The following ADGRB2 variants were observed in gnomAD, a reference collection of about 807,000 sequenced individuals.
ADGRB2 encodes adhesion G protein-coupled receptor B2.
Under a neutral mutation model 178.7 loss-of-function variants are expected in ADGRB2, and 47 were observed. That is an observed-to-expected ratio of 0.26 (90% CI 0.21 to 0.34). The LOEUF (loss-of-function observed/expected upper bound fraction) is 0.34. Ranked by LOEUF, ADGRB2 falls within the 10% of genes least tolerant of loss-of-function variation. The pLI is 1.00. For synonymous variants in ADGRB2, 870 were observed against 912.4 expected (o/e 0.95, Z 0.84); for missense variants, 1,584 against 2,180.8 (o/e 0.73, Z 5.45).
chr1:31,762,870 A>G (rs1647082939), intron 1 of ADGRB2, among the ~76,000 whole-genome samples: 4 of 152,108 alleles, frequency 2.6e-5, no homozygotes, highest in Non-Finnish European at 5.9e-5. Flanking sequence ...CGAGGCGGGC[A>G]GGCAGGCGGC....
rs192321786 is a variant in ADGRB2, at chr1:31,745,679, A to G, written c.839-948T>C. ...GAGCCTTTGAGGATGGGCTCACCCCATGCTATCCCCAGACTATTAGGTGCT... is the reference window on the plus strand; with the variant it reads ...GAGCCTTTGAGGATGGGCTCACCCCGTGCTATCCCCAGACTATTAGGTGCT... On this transcript the variant is annotated intron_variant, in intron 4 of 32. Transcript: ENST00000373658. Among the ~76,000 whole-genome samples the G allele has an allele frequency of 2.0e-3, 299 of 152,248 alleles. 1 individual carries two copies. Among genetic ancestry groups the G allele is most frequent in the Non-Finnish European group, 3.3e-3 (226 of 67,988 alleles).
At position 31,736,713 on chromosome 1, in the gene ADGRB2, G is replaced by T; in HGVS notation, c.2990C>A (p.Thr997Asn). The change falls in exon 21 of 33, where the codon ACC becomes AAC. Residue 997 changes from threonine (T) to asparagine (N), a missense_variant. Physicochemically the swap from Thr to Asn is moderately conservative, Grantham distance 65. Transcript: ENST00000373658. The part of the protein sequence containing the change: ...QSRVLSKGVC[T>N]MTAAFLHFFF... ...GAAGTGCAGGAAGGCAGCCGTCATG[G>T]TGCACACGCCCTGCAGGGAGAGGGA... is the stretch of plus-strand genomic sequence containing the variant. 6.2e-7 allele frequency: 1 copy of T among 1,613,798 alleles called. No individual in the cohort carries two copies. The highest frequency in any genetic ancestry group is 8.5e-7 in the Non-Finnish European group (1 of 1,179,782).
rs1044119901 is a variant in ADGRB2 at position 31,755,174 on chromosome 1, G to A, written c.838+825C>T. 2.6e-5 allele frequency among the ~76,000 whole-genome samples: 4 copies of A among 152,208 alleles called. No individual in the cohort carries two copies. The highest frequency in any genetic ancestry group is 2.6e-4 in the Admixed American group (4 of 15,282). On this transcript the variant is annotated intron_variant, in intron 4 of 32. Transcript: ENST00000373658. This position sits in a 1 kb window ranked among gnomAD's most constrained non-coding sequence, Gnocchi z 5.1. The stretch of plus-strand genomic sequence containing the variant: ...CCTCCAGGTCTCCTGGTCAGTCCCC[G>A]GCCCAGCACTGTTCAGCGGGCACAC...
rs1025514596 is a variant in ADGRB2, at chr1:31,733,356, G to A, written c.3453-213C>T. On this transcript the variant is annotated intron_variant, in intron 25 of 32. Transcript: ENST00000373658. The surrounding 1 kb of genome is among the most constrained non-coding windows in gnomAD (Gnocchi z 4.3). ...CCGAAAGCAGCGAACTACGGGGTCA[G>A]AGCAGGGACCAGGAAGGTGGGGAAG... Among the ~76,000 whole-genome samples the A allele has an allele frequency of 2.0e-5, 3 of 152,204 alleles. No individual in the cohort carries two copies. The highest frequency in any genetic ancestry group is 4.4e-5 in the Non-Finnish European group (3 of 68,030).
At position 31,735,061 on chromosome 1, in the gene ADGRB2, GA is replaced by G; in HGVS notation, c.3452+121del. ...CTTGAGAGTGTGTGGTGGCTGGCAGGAAAGGGCAAGCTTTCCAGGGCACTGG... is the reference window on the plus strand; with the variant it reads ...CTTGAGAGTGTGTGGTGGCTGGCAGGAAGGGCAAGCTTTCCAGGGCACTGG... On this transcript the variant is annotated intron_variant, in intron 25 of 32. Coordinates refer to ENST00000373658, the MANE Select transcript of ADGRB2 (RefSeq NM_001364857.2). The surrounding 1 kb of genome is among the most constrained non-coding windows in gnomAD (Gnocchi z 6.0). 3 of 1,012,574 alleles carry G rather than the reference GA, an allele frequency of 3.0e-6. No homozygotes were observed. Among genetic ancestry groups the G allele is most frequent in the South Asian group, 2.6e-5 (1 of 38,988 alleles). 62.7% of individuals were successfully genotyped at this position (1,012,574 alleles called of 1,614,324 possible).
rs571684246 is a variant in ADGRB2, at chr1:31,753,735, G to A, written c.838+2264C>T. On this transcript the variant is annotated intron_variant, in intron 4 of 32. Coordinates refer to ENST00000373658, the MANE Select transcript of ADGRB2 (RefSeq NM_001364857.2). This position sits in a 1 kb window ranked among gnomAD's most constrained non-coding sequence, Gnocchi z 4.1. ...TGCCACAAGGCACAGACGGTGCCAC[G>A]GACCCTCAGACATGCCCTGACATGT... Among the ~76,000 whole-genome samples the A allele has an allele frequency of 2.0e-5, 3 of 152,232 alleles. No homozygotes were observed. The highest frequency in any genetic ancestry group is 6.5e-5 in the Admixed American group (1 of 15,290).
rs145689822 is a variant in ADGRB2, at chr1:31,740,895, G to GCACACACA, written c.1795-362_1795-355dup. Among the ~76,000 whole-genome samples the GCACACACA allele has an allele frequency of 0.022, 3,067 of 140,420 alleles. 48 individuals carry two copies. Among genetic ancestry groups the GCACACACA allele is most frequent in the African/African-American group, 0.031 (1,176 of 37,524 alleles). 92.1% of individuals were successfully genotyped at this position (140,420 alleles called of 152,430 possible). On this transcript the variant is annotated intron_variant, in intron 11 of 32. Coordinates refer to ENST00000373658, the MANE Select transcript of ADGRB2 (RefSeq NM_001364857.2). The surrounding 1 kb of genome is among the most constrained non-coding windows in gnomAD (Gnocchi z 5.9). Reference sequence around the variant, plus strand: ...AATGAGCATGTGTGTGGGCGCGCGCGCACACACACACACACACACACACAC... The same window carrying GCACACACA: ...AATGAGCATGTGTGTGGGCGCGCGCGCACACACACACACACACACACACACACACACAC...
Position 31,733,631 on chromosome 1 carries a change from G to A in ADGRB2, c.3453-488C>T, listed in dbSNP as rs1450079022. On this transcript the variant is annotated intron_variant, in intron 25 of 32. Coordinates refer to ENST00000373658, the MANE Select transcript of ADGRB2 (RefSeq NM_001364857.2). The surrounding 1 kb of genome is among the most constrained non-coding windows in gnomAD (Gnocchi z 4.3). Reference sequence around the variant, plus strand: ...CAGAAAGATTAAACAGGCAGAGCACGCGGGGGACATCCAGAGCACGAATCC... The same window carrying A: ...CAGAAAGATTAAACAGGCAGAGCACACGGGGGACATCCAGAGCACGAATCC... 6.6e-6 allele frequency among the ~76,000 whole-genome samples: 1 copy of A among 152,130 alleles called. No individual in the cohort carries two copies.
intron 4 of ADGRB2, among the ~76,000 whole-genome samples, chr1:31,748,087 G>C (rs577470398): frequency 6.6e-6 from 1 of 152,190 alleles, no homozygotes; most frequent in Admixed American, 6.5e-5. Context: ...TGACCTGCTT[G>C]TCGGGGTCTC....
At position 31,740,686 on chromosome 1, in the gene ADGRB2, G is replaced by A. The variant is rs1645892333; in HGVS notation, c.1795-145C>T. On this transcript the variant is annotated intron_variant, in intron 11 of 32. Coordinates refer to ENST00000373658, the MANE Select transcript of ADGRB2 (RefSeq NM_001364857.2). This position sits in a 1 kb window ranked among gnomAD's most constrained non-coding sequence, Gnocchi z 5.9. ...CAGAGAGGCTCAAAGGGGCACACAGGGGAGACAGAGTCCGAGAAAGAGACT... is the reference window on the plus strand; with the variant it reads ...CAGAGAGGCTCAAAGGGGCACACAGAGGAGACAGAGTCCGAGAAAGAGACT... 3 of 796,530 alleles carry A rather than the reference G, an allele frequency of 3.8e-6. No homozygotes were observed. The highest frequency in any genetic ancestry group is 2.0e-5 in the South Asian group (1 of 50,162). 49.3% of individuals were successfully genotyped at this position (796,530 alleles called of 1,614,324 possible).
chr1:31,747,548 A>T (rs1646340701), intron 4 of ADGRB2, among the ~76,000 whole-genome samples: 2 of 152,066 alleles, frequency 1.3e-5, no homozygotes, highest in South Asian at 4.1e-4. Flanking sequence ...AAACTTCCAT[A>T]TTGTCAACTC....
chr1:31,727,794 C>T lies in ADGRB2; in HGVS notation c.4573-189G>A. On this transcript the variant is annotated intron_variant, in intron 32 of 32. Coordinates refer to ENST00000373658, the MANE Select transcript of ADGRB2 (RefSeq NM_001364857.2). The surrounding 1 kb of genome is among the most constrained non-coding windows in gnomAD (Gnocchi z 4.4). The stretch of plus-strand genomic sequence containing the variant: ...GGCTCCTGACCCCTGTTCTCAGTGG[C>T]CCCCAGGACATGTCTCCTGCTGACC... The T allele has an allele frequency of 1.2e-6, 1 of 845,190 alleles. No homozygotes were observed. The highest frequency in any genetic ancestry group is 1.8e-6 in the Non-Finnish European group (1 of 564,494). 52.4% of individuals were successfully genotyped at this position (845,190 alleles called of 1,614,324 possible).
chr1:31,731,954 G>A (rs1645308647), intron 28 of ADGRB2, among the ~76,000 whole-genome samples, 161 bp downstream of exon 28: 1 of 152,162 alleles, frequency 6.6e-6, no homozygotes, highest in Non-Finnish European at 1.5e-5. Flanking sequence ...GGGTCATACA[G>A]TAAGGGACAT....
intron 20 of ADGRB2, among the ~76,000 whole-genome samples, 174 bp downstream of exon 20, chr1:31,737,255 C>T (rs960399462): frequency 2.4e-4 from 37 of 152,310 alleles, no homozygotes; most frequent in African/African-American, 8.9e-4. Flanking sequence ...CACACCCCCT[C>T]TCCAATGTCC....
chr1:31,742,106 G>A lies in ADGRB2; in HGVS notation c.1364C>T (p.Thr455Ile). 1 of 1,613,192 alleles carries A rather than the reference G, an allele frequency of 6.2e-7. No individual in the cohort carries two copies. Among genetic ancestry groups the A allele is most frequent in the African/African-American group, 1.3e-5 (1 of 75,044 alleles). Residue 455 changes from threonine (T) to isoleucine (I), a missense_variant, in exon 8 of 33, where the codon ACA becomes ATA. This residue lies in a region of ADGRB2 where 657 missense variants were observed against 847.6 expected (regional missense o/e 0.78). Transcript: ENST00000373658. ...KCSVAGPAWA[T>I]CTGALTDTRE... ...GGTGTCAGTGAGGGCACCCGTGCAT[G>A]TGGCCCAGGCTGGGCCCGCCACGCT... is the stretch of plus-strand genomic sequence containing the variant.
At position 31,735,261 on chromosome 1, in the gene ADGRB2, G is replaced by A; in HGVS notation, c.3374C>T (p.Ala1125Val). The change falls in exon 25 of 33, where the codon GCC becomes GTC. Residue 1125 changes from alanine to valine, a missense_variant. Coordinates refer to ENST00000373658, the MANE Select transcript of ADGRB2 (RefSeq NM_001364857.2). This position sits in a 1 kb window ranked among gnomAD's most constrained non-coding sequence, Gnocchi z 6.0. ...CGCTGAGCAGGGGAGGAGCAGGCTG[G>A]CCCAGGGGCACCGCTCCGACCTCGG... ...QRAGSERCPW[A>V]SLLLPCSACG... 3 of 1,474,596 alleles carry A rather than the reference G, an allele frequency of 2.0e-6. No homozygotes were observed. The highest frequency in any genetic ancestry group is 2.7e-6 in the Non-Finnish European group (3 of 1,104,926). 91.3% of individuals were successfully genotyped at this position (1,474,596 alleles called of 1,614,324 possible).
intron 1 of ADGRB2, among the ~76,000 whole-genome samples, chr1:31,762,403 G>A (rs61779597): frequency 0.23 from 34,835 of 151,956 alleles, 5,315 homozygotes; most frequent in East Asian, 0.62. Flanking sequence ...CCCCACAACC[G>A]ACTCCATGCG....
In ADGRB2 at chr1:31,732,941, G is replaced by A. The variant is rs1645370063; in HGVS notation, c.3624+31C>T. 3 of 1,545,966 alleles carry A rather than the reference G, an allele frequency of 1.9e-6. No homozygotes were observed. The South Asian group carries it at 3.6e-5, about 19-fold the overall frequency. ...GCCAAGGGCCTGGCAGGTGTGGTGG[G>A]CACACACAGGCGGGAGAGGCCCAGC... On this transcript the variant is annotated intron_variant, in intron 26 of 32. Transcript: ENST00000373658.
rs1417523525 is a variant in ADGRB2, at chr1:31,756,133, G to A, written c.704C>T (p.Thr235Ile). 6.2e-7 allele frequency: 1 copy of A among 1,613,562 alleles called. No individual in the cohort carries two copies. Among genetic ancestry groups the A allele is most frequent in the Admixed American group, 1.7e-5 (1 of 60,020 alleles). The change falls in exon 4 of 33, where the codon ACC (threonine) becomes ATC (isoleucine). Residue 235 changes from threonine to isoleucine, a missense_variant. Around this residue, in one of 3 missense-constraint regions of ADGRB2, gnomAD observed 657 missense variants for 847.6 expected, o/e 0.78. Coordinates refer to ENST00000373658, the MANE Select transcript of ADGRB2 (RefSeq NM_001364857.2). This position sits in a 1 kb window ranked among gnomAD's most constrained non-coding sequence, Gnocchi z 8.5. ...CPGEAGAGST[T>I]TTSPGPPAAH... is the part of the protein sequence containing the mutation. ...AGCAGGAGGGCCTGGAGATGTGGTG[G>A]TGGTGGAGCCGGCCCCCGCCTCTCC...
Sources: gnomAD v4.1 joint callset for allele counts (sites outside exome capture counted in the v4.1 genomes callset) on GRCh38, gnomAD v4.1.1 for gene constraint, gnomAD v4.1.1 regional missense constraint, Gnocchi (gnomAD v3.1) non-coding constraint, MANE v1.5 for transcripts, NCBI Gene and HGNC (gene_info 2026-07-23, HGNC 2026-07-21) for gene names.